Variants in TEX9 observed in about 807,000 individuals in gnomAD.
The protein encoded by TEX9 is testis-expressed protein 9.
A neutral mutation model predicts 59.6 loss-of-function variants in TEX9; 74 were observed. The observed-to-expected ratio is 1.24, with a 90% CI of 1.03 to 1.51. The LOEUF is 1.51. Ranked by LOEUF, TEX9 falls within the 40% of genes most tolerant of loss-of-function variation. The probability of loss-of-function intolerance (pLI) is 0.00; values close to 1 mark genes in which losing one functional copy is unlikely to be tolerated. For missense variants in TEX9, 522 were observed against 447.8 expected (o/e 1.17, Z -1.49); for synonymous variants, 186 against 152.2 (o/e 1.22, Z -1.64).
At chr15:56,346,606 A>C in intron 1 of TEX9, among the ~76,000 whole-genome samples, 1 of 152,210 alleles carries the variant, frequency 6.6e-6, no homozygotes, top group Non-Finnish European at 1.5e-5. Context: ...ATCTTGATTG[A>C]TAACACATTT....
intron 1 of TEX9, among the ~76,000 whole-genome samples, chr15:56,253,381 C>A (rs576454652): frequency 1.3e-5 from 2 of 152,162 alleles, no homozygotes; most frequent in African/African-American, 4.8e-5. Flanking sequence ...TGACTTTAAC[C>A]CCCTCCAAAT....
downstream of TEX9, chr15:56,447,843 A>C (rs142342019): frequency 6.6e-6 from 1 of 152,232 alleles, no homozygotes; most frequent in East Asian, 1.9e-4. Context: ...GAGGCAAGCT[A>C]ATTTGCTGTC....
intron 1 of TEX9, among the ~76,000 whole-genome samples, chr15:56,321,522 T>G (rs1292471984): frequency 6.6e-6 from 1 of 152,128 alleles, no homozygotes; most frequent in Admixed American, 6.6e-5. Context: ...CAATTAGTAT[T>G]AAGGCCATTA....
At chr15:56,256,018 T>G (rs538127045) in intron 1 of TEX9, among the ~76,000 whole-genome samples, 1 of 152,004 alleles carries the variant, frequency 6.6e-6, no homozygotes, top group South Asian at 2.1e-4. Context: ...GAAATAAAAG[T>G]TGTAATTAAT....
At chr15:56,359,081 C>G (rs1202401086) in intron 1 of TEX9, among the ~76,000 whole-genome samples, 1 of 152,084 alleles carries the variant, frequency 6.6e-6, no homozygotes, top group Non-Finnish European at 1.5e-5. Context: ...GCTGTTATAT[C>G]TCTTTAAGCT....
chr15:56,409,018 A>C (rs2049217337), intron 9 of TEX9: 1 of 152,226 alleles, frequency 6.6e-6, no homozygotes, highest in Admixed American at 6.5e-5. Context: ...TAACACGGTG[A>C]AACCCCATCT....
At chr15:56,309,939 C>T (rs2045571888) in intron 1 of TEX9, among the ~76,000 whole-genome samples, 1 of 151,886 alleles carries the variant, frequency 6.6e-6, no homozygotes, top group Non-Finnish European at 1.5e-5. Context: ...CAGGTTGGTC[C>T]ATGTGAAACC....
At chr15:56,399,340 C>T (rs545045983) in intron 9 of TEX9, among the ~76,000 whole-genome samples, 10 of 152,352 alleles carry the variant, frequency 6.6e-5, no homozygotes, top group South Asian at 2.1e-4. Flanking sequence ...CACACACCCA[C>T]GGAGCCTTGC....
At chr15:56,247,230 C>T (rs2043880205) in intron 1 of TEX9, among the ~76,000 whole-genome samples, 1 of 152,126 alleles carries the variant, frequency 6.6e-6, no homozygotes, top group Non-Finnish European at 1.5e-5. Flanking sequence ...TGATATATAG[C>T]AGTATTGGGC....
At chr15:56,433,027 A>G (rs2050639608) in intron 12 of TEX9, among the ~76,000 whole-genome samples, 1 of 152,178 alleles carries the variant, frequency 6.6e-6, no homozygotes, top group South Asian at 2.1e-4. Flanking sequence ...ATGTATCCAA[A>G]GCCAAAAACT....
chr15:56,333,475 G>GTTA (rs1555434031), intron 1 of TEX9, among the ~76,000 whole-genome samples: 4 of 15,946 alleles, frequency 2.5e-4, no homozygotes, highest in African/African-American at 4.6e-4. Context: ...ACTCCTTCAT[G>GTTA]ATAAAAAAAA....
intron 1 of TEX9, among the ~76,000 whole-genome samples, chr15:56,322,430 G>A (rs1228998889): frequency 6.6e-6 from 1 of 152,140 alleles, no homozygotes; most frequent in African/African-American, 2.4e-5. Context: ...ATGCAGAAAT[G>A]GTCTTGGAAG....
intron 1 of TEX9, among the ~76,000 whole-genome samples, chr15:56,300,708 G>GAGAGAGA (rs2045331855): frequency 1.9e-5 from 2 of 102,668 alleles, no homozygotes; most frequent in Admixed American, 1.0e-4. Flanking sequence ...AGAGAGAGAG[G>GAGAGAGA]GAGAGAGAGA....
intron 9 of TEX9, chr15:56,395,630 C>T (rs951698290): frequency 1.3e-5 from 2 of 152,170 alleles, no homozygotes; most frequent in Admixed American, 6.6e-5. Context: ...TCCTCACCAA[C>T]ATCTGCTAGA....
chr15:56,402,313 G>A (rs5915158), intron 9 of TEX9, among the ~76,000 whole-genome samples: 5 of 152,102 alleles, frequency 3.3e-5, no homozygotes, highest in African/African-American at 7.2e-5. Flanking sequence ...ATATCGCCAC[G>A]GATCCCGCAG....
In TEX9 at chr15:56,252,036, T is replaced by C. The variant is rs572237190; in HGVS notation, c.-107+7758T>C. 9.2e-5 allele frequency among the ~76,000 whole-genome samples: 14 copies of C among 152,318 alleles called. No individual in the cohort carries two copies. The East Asian group carries it at 2.3e-3, about 25-fold the overall frequency. ...CCAGAGAGTCTTACACATAAAGTTA[T>C]GGTGTGAAGGGCTCACTCTTTTGTC... On this transcript the variant is annotated intron_variant, in intron 1 of 5. Transcript: ENST00000560827.
At chr15:56,406,697 T>C (rs192188227) in intron 9 of TEX9, among the ~76,000 whole-genome samples, 3 of 152,292 alleles carry the variant, frequency 2.0e-5, no homozygotes, top group African/African-American at 4.8e-5. Context: ...TTTATAACTA[T>C]GGATATTGAA....
chr15:56,318,737 C>G (rs1181657263), intron 1 of TEX9, among the ~76,000 whole-genome samples: 4 of 152,014 alleles, frequency 2.6e-5, no homozygotes, highest in South Asian at 4.1e-4. Context: ...AACATCTTAA[C>G]TTAAGCAATC....
intron 1 of TEX9, among the ~76,000 whole-genome samples, chr15:56,292,785 T>C (rs1205099252): frequency 1.3e-5 from 2 of 152,192 alleles, no homozygotes; most frequent in Admixed American, 6.5e-5. Flanking sequence ...ACCCAATAGC[T>C]GACTGATATG....
Sources: allele counts gnomAD v4.1 joint callset (sites outside exome capture counted in the v4.1 genomes callset), GRCh38; gene constraint gnomAD v4.1.1; transcripts MANE v1.5; gene names NCBI Gene and HGNC (gene_info 2026-07-23, HGNC 2026-07-21).